The following SLC22A5 variants were observed in gnomAD, a reference collection of about 807,000 sequenced individuals.
SLC22A5 encodes the protein organic cation/carnitine transporter 2.
SLC22A5 carries 44 observed loss-of-function variants against 56.7 expected under a neutral mutation model. The observed-to-expected ratio is 0.78, with a 90% CI of 0.61 to 1.00. SLC22A5 has a LOEUF of 1.00. Ranked by LOEUF, SLC22A5 falls within the 50% of genes least tolerant of loss-of-function variation. SLC22A5 has a pLI of 0.00. For missense variants in SLC22A5, 675 were observed against 723.0 expected (o/e 0.93, Z 0.76); for synonymous variants, 278 against 292.1 (o/e 0.95, Z 0.49).
At chr5:132,387,615 C>G (rs953259900) in intron 5 of SLC22A5, among the ~76,000 whole-genome samples, 1 of 152,042 alleles carries the variant, frequency 6.6e-6, no homozygotes, top group Non-Finnish European at 1.5e-5. Context: ...AGCAATTATT[C>G]ATTAAAAAGA....
At position 132,394,190 on chromosome 5, in the gene SLC22A5, AAC is replaced by A. The variant is rs1276398847; in HGVS notation, c.1596_1597del (p.His532GlnfsTer21). 6.2e-7 allele frequency: 1 copy of A among 1,611,176 alleles called. No individual in the cohort carries two copies. On this transcript the variant is annotated frameshift_variant, in exon 10 of 10. Coordinates refer to ENST00000245407, the MANE Select transcript of SLC22A5 (RefSeq NM_003060.4). LOFTEE classifies it high-confidence loss of function. The stretch of plus-strand genomic sequence containing the variant: ...ATTTTTGCTTGTTTTTATAGAATGA[AAC>A]ACAGAAAAACTCCAAGTCACACAAG...
In SLC22A5 at chr5:132,369,891, G is replaced by T; in HGVS notation, c.-82G>T. Reference sequence around the variant, plus strand: ...GCCTGCTGCCTGGCTTGCCTGGTCGGCGGCGGGTGCCCCGCGCGCACGCGC... The same window carrying T: ...GCCTGCTGCCTGGCTTGCCTGGTCGTCGGCGGGTGCCCCGCGCGCACGCGC... On this transcript the variant is annotated 5_prime_UTR_variant, in exon 1 of 10. Coordinates refer to ENST00000245407, the MANE Select transcript of SLC22A5 (RefSeq NM_003060.4). The T allele has an allele frequency of 6.4e-7, 1 of 1,550,848 alleles. No homozygotes were observed. The highest frequency in any genetic ancestry group is 8.7e-7 in the Non-Finnish European group (1 of 1,151,986).
At chr5:132,380,333 A>G (rs990332855) in intron 2 of SLC22A5, 2 of 152,286 alleles carry the variant, frequency 1.3e-5, no homozygotes, top group African/African-American at 4.8e-5. Context: ...CAGATGAGCA[A>G]CCAGGGCTTA....
Position 132,394,166 on chromosome 5 carries a change from T to C in SLC22A5, c.1587-19T>C. Reference sequence around the variant, plus strand: ...CTTTTTAAAATGTGTTACTGACATATTTTTGCTTGTTTTTATAGAATGAAA... The same window carrying C: ...CTTTTTAAAATGTGTTACTGACATACTTTTGCTTGTTTTTATAGAATGAAA... On this transcript the variant is annotated intron_variant, in intron 9 of 9. Coordinates refer to ENST00000245407, the MANE Select transcript of SLC22A5 (RefSeq NM_003060.4). 1 of 1,541,758 alleles carries C rather than the reference T, an allele frequency of 6.5e-7. No individual in the cohort carries two copies.
rs1487082253 is a variant in SLC22A5 at position 132,392,625 on chromosome 5, A to G, written c.1450+10A>G. 11 of 1,613,002 alleles carry G rather than the reference A, an allele frequency of 6.8e-6. No homozygotes were observed. The South Asian group carries it at 1.1e-4, about 16-fold the overall frequency. Reference sequence around the variant, plus strand: ...TACTTCGTTTACCTTGGTAAGTCCCATGAGCCAAGGGCACACTAGAGCAAC... The same window carrying G: ...TACTTCGTTTACCTTGGTAAGTCCCGTGAGCCAAGGGCACACTAGAGCAAC... On this transcript the variant is annotated intron_variant, in intron 8 of 9. Coordinates refer to ENST00000245407, the MANE Select transcript of SLC22A5 (RefSeq NM_003060.4).
In SLC22A5 at chr5:132,372,286, C is replaced by T. The variant is rs944876067; in HGVS notation, c.393+1921C>T. On this transcript the variant is annotated intron_variant, in intron 1 of 9. Transcript: ENST00000245407. ...CCAGTGAGTACTATGAAAGCAGAGG[C>T]TGTCCCTGAGGTTGCAGGCAGAGGC... is the stretch of plus-strand genomic sequence containing the variant. Among the ~76,000 whole-genome samples, 9 of 152,204 alleles carry T rather than the reference C, an allele frequency of 5.9e-5. 1 individual carries two copies. Among genetic ancestry groups the T allele is most frequent in the Admixed American group, 3.3e-4 (5 of 15,278 alleles).
intron 2 of SLC22A5, 100 bp downstream of exon 2, chr5:132,378,581 G>T: frequency 1.1e-6 from 1 of 884,188 alleles, no homozygotes; most frequent in Non-Finnish European, 1.9e-6. Context: ...TTCAGCGCAG[G>T]GCCCTGTATT....
chr5:132,386,966 G>A (rs1752551679), intron 4 of SLC22A5, 59 bp from the exon 5 acceptor site: 2 of 1,591,264 alleles, frequency 1.3e-6, no homozygotes, highest in Non-Finnish European at 1.7e-6. Flanking sequence ...TGCTCTACCT[G>A]GTCTGTGGGT....
chr5:132,389,360 A>G, intron 6 of SLC22A5: 1 of 359,080 alleles, frequency 2.8e-6, no homozygotes, highest in Admixed American at 3.8e-5. Context: ...GAGGCCAGGT[A>G]GGGCTTTTAA....
In SLC22A5 at chr5:132,370,241, C is replaced by A. The variant is rs764805645; in HGVS notation, c.269C>A (p.Ala90Asp). The A allele has an allele frequency of 1.2e-5, 19 of 1,575,394 alleles. No individual in the cohort carries two copies. The highest frequency in any genetic ancestry group is 1.6e-5 in the Non-Finnish European group (19 of 1,162,446). ...SCRRYRLATI[A>D]NFSALGLEPG... ...CGCCGCTACCGGCTCGCCACCATCGCCAACTTCTCGGCGCTTGGGCTGGAG... is the reference window on the plus strand; with the variant it reads ...CGCCGCTACCGGCTCGCCACCATCGACAACTTCTCGGCGCTTGGGCTGGAG... The change falls in exon 1 of 10, where the codon GCC (alanine) becomes GAC (aspartate). Residue 90 changes from alanine (A) to aspartate (D), a missense_variant. Coordinates refer to ENST00000245407, the MANE Select transcript of SLC22A5 (RefSeq NM_003060.4).
At chr5:132,381,657 G>A (rs986169126) in intron 2 of SLC22A5, 21 of 152,276 alleles carry the variant, frequency 1.4e-4, no homozygotes, top group African/African-American at 5.1e-4. Context: ...AGTACTCCTG[G>A]GTTGTCAAAG....
chr5:132,369,841 T>G lies in SLC22A5; in HGVS notation c.-132T>G. On this transcript the variant is annotated 5_prime_UTR_variant, in exon 1 of 10. Transcript: ENST00000245407. ...AGGCGGCGGTGTCAGCTCGCGAGCC[T>G]ACCCTCCGCGGACGGTCTTGGGTCG... 8.3e-7 allele frequency: 1 copy of G among 1,199,252 alleles called. No homozygotes were observed. The highest frequency in any genetic ancestry group is 1.6e-5 in the South Asian group (1 of 63,122). The allele number at this position is 1,199,252 out of a possible 1,614,324, so 74.3% of individuals were successfully genotyped here.
chr5:132,384,822 G>A (rs1752467309), intron 3 of SLC22A5, among the ~76,000 whole-genome samples: 1 of 152,200 alleles, frequency 6.6e-6, no homozygotes, highest in African/African-American at 2.4e-5. Flanking sequence ...CACACTGCAG[G>A]GCTTTGTCTC....
Position 132,378,368 on chromosome 5 carries a change from C to T in SLC22A5, c.394-10C>T, listed in dbSNP as rs748687943. 5.0e-6 allele frequency: 8 copies of T among 1,613,426 alleles called. No homozygotes were observed. Among genetic ancestry groups the T allele is most frequent in the Admixed American group, 1.7e-5 (1 of 60,012 alleles). ...AAGTGAATGATACACCCCCTTTGCT[C>T]ATCTTGCAGTGGAACCTGGTGTGTG... On this transcript the variant is annotated splice_polypyrimidine_tract_variant and intron_variant, in intron 1 of 9. Coordinates refer to ENST00000245407, the MANE Select transcript of SLC22A5 (RefSeq NM_003060.4).
At chr5:132,375,089 C>G (rs963545778) in intron 1 of SLC22A5, among the ~76,000 whole-genome samples, 1 of 152,118 alleles carries the variant, frequency 6.6e-6, no homozygotes, top group Admixed American at 6.5e-5. Context: ...GATTGAAGTT[C>G]AGGAGTTCAG....
rs150278881 is a variant in SLC22A5 at position 132,387,050 on chromosome 5, C to T, written c.850C>T (p.Leu284Phe). 8 of 1,614,140 alleles carry T rather than the reference C, an allele frequency of 5.0e-6. No individual in the cohort carries two copies. In the African/African-American group the frequency reaches 8.0e-5, roughly 16 times the overall value. ...WWFIPESPRW[L>F]ISQGRFEEAE... ...GTTCATCCCTGAGTCCCCCCGATGG[C>T]TCATCTCTCAGGGACGATTTGAAGA... is the stretch of plus-strand genomic sequence containing the variant. Residue 284 changes from leucine to phenylalanine, a missense_variant, in exon 5 of 10, where the codon CTC (leucine) becomes TTC (phenylalanine). Leu to Phe is a conservative substitution (Grantham distance 22). Coordinates refer to ENST00000245407, the MANE Select transcript of SLC22A5 (RefSeq NM_003060.4).
In SLC22A5 at chr5:132,389,097, A is replaced by G. The variant is rs1752622779; in HGVS notation, c.1052+76A>G. 3.3e-6 allele frequency: 3 copies of G among 902,216 alleles called. No individual in the cohort carries two copies. In the East Asian group the frequency reaches 7.3e-5, roughly 22 times the overall value. The allele number at this position is 902,216 out of a possible 1,614,324, so 55.9% of individuals were successfully genotyped here. A position where few individuals can be genotyped will look rare whatever the true frequency, so the allele number is the denominator to read the frequency against. On this transcript the variant is annotated intron_variant, in intron 6 of 9. Coordinates refer to ENST00000245407, the MANE Select transcript of SLC22A5 (RefSeq NM_003060.4). Reference sequence around the variant, plus strand: ...GCCATTGGGCCTCTTGTTTACAGACATGCCTCAGACAAAATTCAAAGCCTA... The same window carrying G: ...GCCATTGGGCCTCTTGTTTACAGACGTGCCTCAGACAAAATTCAAAGCCTA...
intron 1 of SLC22A5, chr5:132,376,645 A>G (rs1440633322): frequency 6.6e-6 from 1 of 152,234 alleles, no homozygotes; most frequent in African/African-American, 2.4e-5. Flanking sequence ...ACCTCATGAT[A>G]GTCCTGTGAG....
At chr5:132,393,211 T>C (rs1752768356) in intron 8 of SLC22A5, among the ~76,000 whole-genome samples, 1 of 152,098 alleles carries the variant, frequency 6.6e-6, no homozygotes, top group Admixed American at 6.5e-5. Flanking sequence ...GTACTCAGAG[T>C]GCTTTGTGAA....
Sources: gnomAD v4.1 joint callset for allele counts (sites outside exome capture counted in the v4.1 genomes callset) on GRCh38, gnomAD v4.1.1 for gene constraint, MANE v1.5 for transcripts, NCBI Gene and HGNC (gene_info 2026-07-23, HGNC 2026-07-21) for gene names.